MID2: variants seen among roughly 807,000 people sequenced by gnomAD.
MID2 encodes midline 2.
Under a neutral mutation model 46.1 loss-of-function variants are expected in MID2, and 13 were observed. The observed-to-expected ratio is 0.28, with a 90% confidence interval of 0.18 to 0.45. The LOEUF is 0.45. Among genes scored for constraint, MID2 ranks in the 20% least tolerant of loss-of-function variants. The probability of loss-of-function intolerance (pLI) is 1.00; values close to 1 mark genes in which losing one functional copy is unlikely to be tolerated. For synonymous variants in MID2, 199 were observed against 212.3 expected, an observed-to-expected ratio of 0.94 and a Z score of 0.55; for missense variants, 431 against 575.4, an observed-to-expected ratio of 0.75 and a Z score of 2.57.
At chrX:107,851,405 A>G (rs370891556) in intron 2 of MID2, among the ~76,000 whole-genome samples, 2 of 111,613 alleles carry the variant, frequency 1.8e-5, no homozygotes, top group African/African-American at 6.5e-5. Flanking sequence ...CATTCTCCGC[A>G]TATTTGACAG....
chrX:107,889,137 T>C (rs1350484609), intron 3 of MID2, among the ~76,000 whole-genome samples: 1 of 111,441 alleles, frequency 9.0e-6, no homozygotes. Flanking sequence ...GTTAATATTG[T>C]TATGTGTGAA....
intron 3 of MID2, among the ~76,000 whole-genome samples, chrX:107,858,180 T>G (rs772216087): frequency 1.8e-5 from 2 of 112,231 alleles, no homozygotes; most frequent in East Asian, 5.6e-4. Context: ...GCTGAAGGTT[T>G]CAGAATTCAG....
At position 107,845,525 on chromosome X, in the gene MID2, A is replaced by ACACACTCTCTCTCTCT. The variant is rs1276957001; in HGVS notation, c.720+4141_720+4142insACACTCTCTCTCTCTC. Reference sequence around the variant, plus strand: ...CACACACACACACACACACACACACACTCTCTCTCTCTCTCTCTCTCTCTC... The same window carrying ACACACTCTCTCTCTCT: ...CACACACACACACACACACACACACACACACTCTCTCTCTCTCTCTCTCTCTCTCTCTCTCTCTCTC... On this transcript the variant is annotated intron_variant, in intron 2 of 9. Coordinates refer to ENST00000262843, the MANE Select transcript of MID2 (RefSeq NM_012216.4). Among the ~76,000 whole-genome samples the ACACACTCTCTCTCTCT allele has an allele frequency of 1.3e-3, 96 of 72,925 alleles. 1 individual carries two copies. The highest frequency in any genetic ancestry group is 6.4e-3 in the African/African-American group (85 of 13,193). 63.3% of individuals were successfully genotyped at this position (72,925 alleles called of 115,157 possible). A position where few individuals can be genotyped will look rare whatever the true frequency, so the allele number is the denominator to read the frequency against.
intron 3 of MID2, among the ~76,000 whole-genome samples, chrX:107,874,754 A>T (rs1451787539): frequency 9.0e-6 from 1 of 111,587 alleles, no homozygotes. Flanking sequence ...AGTCTGAAGA[A>T]TCCTGTAATA....
chrX:107,921,948 G>A (rs1933081442), intron 7 of MID2, among the ~76,000 whole-genome samples: 1 of 110,865 alleles, frequency 9.0e-6, no homozygotes, highest in Non-Finnish European at 1.9e-5. Context: ...CTTTTAGTGG[G>A]ACAATATTAG....
chrX:107,872,524 A>C (rs1386571719), intron 3 of MID2, among the ~76,000 whole-genome samples: 1 of 112,177 alleles, frequency 8.9e-6, no homozygotes, highest in Admixed American at 9.4e-5. Flanking sequence ...TCACATAGGT[A>C]CTTTGGGTGC....
chrX:107,837,169 T>G (rs1931227102), intron 1 of MID2, among the ~76,000 whole-genome samples: 2 of 112,380 alleles, frequency 1.8e-5, no homozygotes, highest in African/African-American at 3.2e-5. Context: ...AGTGTCACAC[T>G]GACTTGGAAA....
At position 107,840,687 on chromosome X, in the gene MID2, G is replaced by A. The variant is rs764552393; in HGVS notation, c.22G>A (p.Val8Met). MGESPAS[V>M]VLNASGGLFS... ...CCTTGCAGGTGAAAGCCCAGCCTCC[G>A]TGGTTCTTAATGCCTCAGGAGGACT... The change falls in exon 2 of 10, where the codon GTG becomes ATG. Residue 8 changes from valine (V) to methionine (M), a missense_variant. Val to Met is a conservative substitution (Grantham distance 21). Transcript: ENST00000262843. 24 of 1,207,173 alleles carry A rather than the reference G, an allele frequency of 2.0e-5. No homozygotes were observed. In the South Asian group the frequency reaches 3.2e-4, roughly 16 times the overall value.
chrX:107,839,416 G>A (rs1931282515), intron 1 of MID2, among the ~76,000 whole-genome samples: 1 of 104,981 alleles, frequency 9.5e-6, no homozygotes, highest in South Asian at 4.3e-4. Flanking sequence ...CTGTCACCCA[G>A]GCAAGAGTGC....
At chrX:107,831,255 C>A (rs1178270942) in intron 1 of MID2, among the ~76,000 whole-genome samples, 2 of 111,780 alleles carry the variant, frequency 1.8e-5, no homozygotes, top group Non-Finnish European at 1.9e-5. Context: ...TGGGCTTTGT[C>A]TCAGCTTCCT....
chrX:107,908,150 T>C (rs1004296985), intron 5 of MID2, among the ~76,000 whole-genome samples: 1 of 112,450 alleles, frequency 8.9e-6, no homozygotes, highest in African/African-American at 3.2e-5. Context: ...GATGTTTTTA[T>C]TGGCATGACC....
intron 5 of MID2, among the ~76,000 whole-genome samples, chrX:107,906,980 T>A: frequency 8.9e-6 from 1 of 112,425 alleles, no homozygotes; most frequent in East Asian, 2.8e-4. Flanking sequence ...TACCAGCTAT[T>A]TCCTGTCTTC....
intron 5 of MID2, among the ~76,000 whole-genome samples, chrX:107,914,821 C>G (rs777837006): frequency 1.8e-5 from 2 of 112,284 alleles, no homozygotes; most frequent in East Asian, 5.6e-4. Flanking sequence ...AAAGAACAGT[C>G]TAAATGGTTA....
At chrX:107,925,656 T>C (rs189468175) in intron 8 of MID2, among the ~76,000 whole-genome samples, 6 of 111,735 alleles carry the variant, frequency 5.4e-5, no homozygotes, top group African/African-American at 1.9e-4. Context: ...ACTCTTTCTG[T>C]TAAAATCTAC....
At chrX:107,857,603 C>T (rs1323705304) in intron 3 of MID2, among the ~76,000 whole-genome samples, 1 of 111,925 alleles carries the variant, frequency 8.9e-6, no homozygotes, top group Non-Finnish European at 1.9e-5. Context: ...ATAATAACAA[C>T]GGTGAATCCA....
At chrX:107,909,326 C>G (rs10481933) in intron 5 of MID2, among the ~76,000 whole-genome samples, 33,365 of 110,756 alleles carry the variant, frequency 0.3, 6,980 homozygotes, top group African/African-American at 0.76. Flanking sequence ...GGTAGGAACA[C>G]ACACTATTGC....
chrX:107,840,619 T>A, intron 1 of MID2, 51 bp from the exon 2 acceptor site: 1 of 983,190 alleles, frequency 1.0e-6, no homozygotes. Flanking sequence ...TTGTGTTATA[T>A]CCATTTTCCT....
intron 3 of MID2, among the ~76,000 whole-genome samples, chrX:107,869,712 T>C (rs113146370): frequency 0.049 from 5,451 of 111,183 alleles, 362 homozygotes; most frequent in African/African-American, 0.17. Context: ...CTTTGTACTC[T>C]TGTCCGTGCT....
At chrX:107,905,122 T>G (rs1380725889) in intron 4 of MID2, among the ~76,000 whole-genome samples, 1 of 111,699 alleles carries the variant, frequency 9.0e-6, no homozygotes, top group East Asian at 2.8e-4. Context: ...AATTATAATC[T>G]CTGGGTGGTA....
Sources: gnomAD v4.1 joint callset for allele counts (sites outside exome capture counted in the v4.1 genomes callset) on GRCh38, gnomAD v4.1.1 for gene constraint, MANE v1.5 for transcripts, NCBI Gene and HGNC (gene_info 2026-07-23, HGNC 2026-07-21) for gene names.